The following SLC1A6 variants were observed in gnomAD, a reference collection of about 807,000 sequenced individuals.
SLC1A6 encodes the protein solute carrier family 1 member 6.
Under a neutral mutation model 42.1 loss-of-function variants are expected in SLC1A6, and 15 were observed. That is an observed-to-expected ratio of 0.36 (90% CI 0.24 to 0.55). The LOEUF is 0.55. Ranked by LOEUF, SLC1A6 falls within the 20% of genes least tolerant of loss-of-function variation. The pLI, the probability that SLC1A6 is intolerant of heterozygous loss-of-function variation, is 0.88. For synonymous variants in SLC1A6, 317 were observed against 319.7 expected (o/e 0.99, Z 0.09); for missense variants, 542 against 772.5 (o/e 0.70, Z 3.54).
At chr19:14,958,684 C>T (rs2045484062) in intron 6 of SLC1A6, among the ~76,000 whole-genome samples, 1 of 152,088 alleles carries the variant, frequency 6.6e-6, no homozygotes, top group South Asian at 2.1e-4. Flanking sequence ...ATCCTTCCAC[C>T]TCATCCCCTG....
intron 8 of SLC1A6, among the ~76,000 whole-genome samples, chr19:14,953,334 TATCTC>T (rs1034034978): frequency 6.8e-6 from 1 of 147,480 alleles, no homozygotes; most frequent in African/African-American, 2.5e-5. Flanking sequence ...GCAGTGGTGT[TATCTC>T]AGCTCACTGC....
At chr19:14,964,442 GAAC>G (rs961612359) in intron 4 of SLC1A6, 81 bp from the exon 5 acceptor site, 2 of 1,130,790 alleles carry the variant, frequency 1.8e-6, no homozygotes, top group African/African-American at 3.0e-5. Context: ...CTAACACCAA[GAAC>G]AACAATAGTG....
Position 14,950,401 on chromosome 19 carries a change from G to C in SLC1A6, c.1500-11C>G, listed in dbSNP as rs562518458. The C allele has an allele frequency of 6.5e-7, 1 of 1,530,456 alleles. No homozygotes were observed. The highest frequency in any genetic ancestry group is 2.4e-5 in the East Asian group (1 of 42,028). The allele number at this position is 1,530,456 out of a possible 1,614,324, so 94.8% of individuals were successfully genotyped here. On this transcript the variant is annotated splice_polypyrimidine_tract_variant and intron_variant, in intron 9 of 9. Transcript: ENST00000594383. ...GTGCGAAGCCGGTCACTGGTACAGG[G>C]GAGAAAGAAGCTGCCATTAATGGGG...
intron 9 of SLC1A6, among the ~76,000 whole-genome samples, chr19:14,952,717 G>A (rs1203356034): frequency 6.6e-6 from 1 of 152,080 alleles, no homozygotes; most frequent in Non-Finnish European, 1.5e-5. Flanking sequence ...AGCCCCCATT[G>A]CTTGTCTCCA....
chr19:14,992,777 A>T (rs1484988731), intron 1 of SLC1A6, among the ~76,000 whole-genome samples: 1 of 152,140 alleles, frequency 6.6e-6, no homozygotes, highest in African/African-American at 2.4e-5. Context: ...TTAGGAGGGC[A>T]GGGCAGTGCA....
upstream of SLC1A6, among the ~76,000 whole-genome samples, chr19:14,983,110 G>A (rs7253417): frequency 0.12 from 18,771 of 152,040 alleles, 1,327 homozygotes; most frequent in African/African-American, 0.21. Flanking sequence ...TAATACTTGC[G>A]GAGATTCTGA....
At chr19:14,993,106 T>C (rs1157142453) in intron 1 of SLC1A6, among the ~76,000 whole-genome samples, 1 of 152,076 alleles carries the variant, frequency 6.6e-6, no homozygotes, top group East Asian at 1.9e-4. Context: ...TGGCCTGATA[T>C]GCAAGCGAAT....
intron 1 of SLC1A6, among the ~76,000 whole-genome samples, chr19:14,991,017 C>T (rs74187065): frequency 0.03 from 4,503 of 152,148 alleles, 203 homozygotes; most frequent in East Asian, 0.22. Flanking sequence ...CAAATACACA[C>T]AATTTTATCT....
intron 1 of SLC1A6, among the ~76,000 whole-genome samples, chr19:14,991,195 C>T (rs1045829123): frequency 2.6e-5 from 4 of 152,086 alleles, no homozygotes; most frequent in South Asian, 4.1e-4. Context: ...AAAGCAGATT[C>T]GTGGTTGCCA....
rs148924942 is a variant in SLC1A6, at chr19:15,005,200, C to T, written c.6+5285G>A. Among the ~76,000 whole-genome samples the T allele has an allele frequency of 4.6e-3, 676 of 147,552 alleles. 8 individuals carry two copies. Among genetic ancestry groups the T allele is most frequent in the African/African-American group, 0.016 (635 of 39,974 alleles). On this transcript the variant is annotated intron_variant, in intron 1 of 8. Transcript: ENST00000430939. ...GTTTAAGCCCAGGAGTTCAAAGTTG[C>T]AGTGAGCCATGATGGTACCACTGTA...
At position 14,978,924 on chromosome 19, in the gene SLC1A6, A is replaced by G. The variant is rs755764471; in HGVS notation, c.-8+385T>C. 2.7e-4 allele frequency among the ~76,000 whole-genome samples: 41 copies of G among 152,212 alleles called. 1 individual carries two copies. The highest frequency in any genetic ancestry group is 8.5e-4 in the Admixed American group (13 of 15,272). On this transcript the variant is annotated intron_variant, in intron 1 of 9. Coordinates refer to ENST00000594383, the MANE Select transcript of SLC1A6 (RefSeq NM_005071.3). ...CCTACACACAGAAACACACACACAC[A>G]CACTCTTTAGGGCACAAAACACAAA...
At chr19:15,005,754 C>T (rs550420628) in intron 1 of SLC1A6, among the ~76,000 whole-genome samples, 4 of 152,162 alleles carry the variant, frequency 2.6e-5, no homozygotes, top group African/African-American at 4.8e-5. Context: ...TTGGTGTCAG[C>T]GTGTTAAACT....
intron 1 of SLC1A6, 97 bp from the exon 2 acceptor site, chr19:14,973,014 G>T: frequency 1.0e-6 from 1 of 961,370 alleles, no homozygotes; most frequent in Non-Finnish European, 1.5e-6. Flanking sequence ...AGCGCTTCCT[G>T]AGGACTCTCA....
rs993487319 is a variant in SLC1A6 at position 14,979,050 on chromosome 19, T to TCTCTCTCTCTCACACATACACACACA, written c.-8+258_-8+259insTGTGTGTGTATGTGTGAGAGAGAGAG. ...CAAATTCAGTCTCTCTCTCTCTCTG[T>TCTCTCTCTCTCACACATACACACACA]CACACACACACACACACACACACAC... On this transcript the variant is annotated intron_variant, in intron 1 of 9. Transcript: ENST00000594383. This position sits in a 1 kb window ranked among gnomAD's most constrained non-coding sequence, Gnocchi z 4.2. 9.9e-5 allele frequency among the ~76,000 whole-genome samples: 13 copies of TCTCTCTCTCTCACACATACACACACA among 131,298 alleles called. No homozygotes were observed. Among genetic ancestry groups the TCTCTCTCTCTCACACATACACACACA allele is most frequent in the African/African-American group, 3.4e-4 (12 of 35,118 alleles). 86.1% of individuals were successfully genotyped at this position (131,298 alleles called of 152,430 possible). A position where few individuals can be genotyped will look rare whatever the true frequency, so the allele number is the denominator to read the frequency against.
At chr19:14,965,687 T>C (rs1394797999) in intron 4 of SLC1A6, among the ~76,000 whole-genome samples, 1 of 151,896 alleles carries the variant, frequency 6.6e-6, no homozygotes, top group Admixed American at 6.6e-5. Flanking sequence ...CTGTCTCTAC[T>C]AAAAATACAA....
upstream of SLC1A6, among the ~76,000 whole-genome samples, chr19:14,980,842 G>A (rs1462331619): frequency 1.3e-5 from 2 of 152,060 alleles, no homozygotes; most frequent in Non-Finnish European, 2.9e-5. Flanking sequence ...TGCTCAGAAA[G>A]GTTCAATAAC....
chr19:14,983,409 G>A (rs144569474), upstream of SLC1A6, among the ~76,000 whole-genome samples: 17 of 152,214 alleles, frequency 1.1e-4, no homozygotes, highest in African/African-American at 4.1e-4. Flanking sequence ...GTAGCTGGGT[G>A]TGGTGGCTCA....
rs367732002 is a variant in SLC1A6 at position 14,995,359 on chromosome 19, AAGAAAGAAAAGGG to A, written c.6+15113_6+15125del. Among the ~76,000 whole-genome samples, 798 of 126,224 alleles carry A rather than the reference AAGAAAGAAAAGGG, an allele frequency of 6.3e-3. 19 individuals are homozygous for A. The highest frequency in any genetic ancestry group is 0.024 in the South Asian group (95 of 4,030). 82.8% of individuals were successfully genotyped at this position (126,224 alleles called of 152,430 possible). ...AAAAAAAAAAAGAAAGAAAGAAAGA[AAGAAAGAAAAGGG>A]AAGGGAAGGGAAGGGAAGGGAAGAA... On this transcript the variant is annotated intron_variant, in intron 1 of 8. Coordinates refer to the SLC1A6 transcript ENST00000430939.
At chr19:14,988,192 C>G (rs1028660842) in intron 1 of SLC1A6, among the ~76,000 whole-genome samples, 4 of 152,258 alleles carry the variant, frequency 2.6e-5, no homozygotes, top group Non-Finnish European at 5.9e-5. Flanking sequence ...TTATTAAGGC[C>G]CACTGTTTTA....
Sources: gnomAD v4.1 joint callset for allele counts (sites outside exome capture counted in the v4.1 genomes callset) on GRCh38, gnomAD v4.1.1 for gene constraint, Gnocchi (gnomAD v3.1) non-coding constraint, MANE v1.5 for transcripts, NCBI Gene and HGNC (gene_info 2026-07-23, HGNC 2026-07-21) for gene names.